Variants in ABHD6 observed in about 807,000 individuals in gnomAD.
ABHD6 encodes abhydrolase domain containing 6, acylglycerol lipase.
ABHD6 carries 33 observed loss-of-function variants against 38.8 expected under a neutral mutation model. That is an observed-to-expected ratio of 0.85 (90% confidence interval 0.64 to 1.14). The LOEUF (loss-of-function observed/expected upper bound fraction) is 1.14, where lower values mean the gene tolerates loss of function less well. Ranked by LOEUF, ABHD6 falls within the 50% of genes most tolerant of loss-of-function variation. The pLI is 0.00. For missense variants in ABHD6, 380 were observed against 422.6 expected, an observed-to-expected ratio of 0.90 and a Z score of 0.88; for synonymous variants, 147 against 161.6, an observed-to-expected ratio of 0.91 and a Z score of 0.69.
rs1381046779 is a variant in ABHD6, at chr3:58,265,083, A to G, written c.120-2106A>G. On this transcript the variant is annotated intron_variant, in intron 3 of 9. Transcript: ENST00000478253. This position sits in a 1 kb window ranked among gnomAD's most constrained non-coding sequence, Gnocchi z 4.2. ...CTCAGCCTCTGGTAACCATCCTTCT[A>G]CTATCTATGCCCATGAGTTGCATTG... is the stretch of plus-strand genomic sequence containing the variant. Among the ~76,000 whole-genome samples the G allele has an allele frequency of 6.6e-6, 1 of 151,962 alleles. No individual in the cohort carries two copies. Among genetic ancestry groups the G allele is most frequent in the African/African-American group, 2.4e-5 (1 of 41,328 alleles).
At position 58,293,377 on chromosome 3, in the gene ABHD6, C is replaced by A. The variant is rs1575536260; in HGVS notation, c.838-212C>A. 6.6e-6 allele frequency among the ~76,000 whole-genome samples: 1 copy of A among 152,222 alleles called. No individual in the cohort carries two copies. Among genetic ancestry groups the A allele is most frequent in the Non-Finnish European group, 1.5e-5 (1 of 68,050 alleles). On this transcript the variant is annotated intron_variant, in intron 9 of 9. Transcript: ENST00000478253. The surrounding 1 kb of genome is among the most constrained non-coding windows in gnomAD (Gnocchi z 4.4). The stretch of plus-strand genomic sequence containing the variant: ...AGTATTGCTGACATCAGCCCAACTC[C>A]TGGCACAGAGTTGCAGAATAAAACA...
intron 2 of ABHD6, among the ~76,000 whole-genome samples, chr3:58,254,682 C>G (rs2097432030): frequency 6.6e-6 from 1 of 152,084 alleles, no homozygotes; most frequent in African/African-American, 2.4e-5. Flanking sequence ...GTCCTGCACA[C>G]TTAGCACAGA....
At chr3:58,246,316 T>G (rs2097426360) in intron 1 of ABHD6, among the ~76,000 whole-genome samples, 1 of 152,248 alleles carries the variant, frequency 6.6e-6, no homozygotes, top group African/African-American at 2.4e-5. Context: ...GAGGCTGATG[T>G]TGCCAGGTCA....
At chr3:58,280,642 G>A (rs1370515908) in intron 7 of ABHD6, among the ~76,000 whole-genome samples, 1 of 152,338 alleles carries the variant, frequency 6.6e-6, no homozygotes, top group East Asian at 1.9e-4. Flanking sequence ...TGCTGGCGAG[G>A]AGCTGCAATC....
chr3:58,250,014 T>G (rs1342406096), intron 2 of ABHD6, 72 bp downstream of exon 2: 1 of 152,218 alleles, frequency 6.6e-6, no homozygotes, highest in Non-Finnish European at 1.5e-5. Context: ...ACTGCTGTTG[T>G]AAGCCCTGCT....
chr3:58,246,939 G>A (rs1427003339), intron 1 of ABHD6, among the ~76,000 whole-genome samples: 3 of 152,104 alleles, frequency 2.0e-5, no homozygotes, highest in African/African-American at 7.2e-5. Flanking sequence ...ATAGTGTGGA[G>A]ATGGAGGGAG....
rs972506930 is a variant in ABHD6, at chr3:58,263,110, A to C, written c.120-4079A>C. ...GTAGTCCCAGCTACTTGGGAGGCTG[A>C]AGTGGGAGAATCGTTTGAAAGCAGA... On this transcript the variant is annotated intron_variant, in intron 3 of 9. Transcript: ENST00000478253. This position sits in a 1 kb window ranked among gnomAD's most constrained non-coding sequence, Gnocchi z 4.9. Among the ~76,000 whole-genome samples, 4 of 152,252 alleles carry C rather than the reference A, an allele frequency of 2.6e-5. No homozygotes were observed. The highest frequency in any genetic ancestry group is 9.6e-5 in the African/African-American group (4 of 41,460).
rs537324322 is a variant in ABHD6 at position 58,251,091 on chromosome 3, G to T, written c.-26+1149G>T. ...TCCCAGCACTTTGGGAGGCCGAGGC[G>T]GGGGGGATCACCTGAGGTCAGGAGT... On this transcript the variant is annotated intron_variant, in intron 2 of 9. Coordinates refer to ENST00000478253, the MANE Select transcript of ABHD6 (RefSeq NM_001320126.2). The surrounding 1 kb of genome is among the most constrained non-coding windows in gnomAD (Gnocchi z 5.4). Among the ~76,000 whole-genome samples, 7 of 145,796 alleles carry T rather than the reference G, an allele frequency of 4.8e-5. No homozygotes were observed. The highest frequency in any genetic ancestry group is 5.9e-5 in the Non-Finnish European group (4 of 67,814).
chr3:58,285,633 G>A lies in ABHD6; in HGVS notation c.837+180G>A, dbSNP rs893750256. On this transcript the variant is annotated intron_variant, in intron 9 of 9. Transcript: ENST00000478253. The surrounding 1 kb of genome is among the most constrained non-coding windows in gnomAD (Gnocchi z 4.9). ...GTGGGCAGAGTTCTGGGAGTGGAGA[G>A]AAACAACATTTGGTCTGGTAAAAGG... Among the ~76,000 whole-genome samples the A allele has an allele frequency of 1.3e-5, 2 of 152,110 alleles. No homozygotes were observed. Among genetic ancestry groups the A allele is most frequent in the Non-Finnish European group, 2.9e-5 (2 of 68,028 alleles).
intron 7 of ABHD6, among the ~76,000 whole-genome samples, chr3:58,284,632 G>T (rs2107472280): frequency 6.6e-6 from 1 of 152,032 alleles, no homozygotes; most frequent in Non-Finnish European, 1.5e-5. Flanking sequence ...TGTCTTTTTA[G>T]TAGAGATGGG....
intron 2 of ABHD6, among the ~76,000 whole-genome samples, chr3:58,254,857 C>T (rs746330290): frequency 0.13 from 14,962 of 112,748 alleles, 953 homozygotes; most frequent in African/African-American, 0.3. Flanking sequence ...TGTATACACA[C>T]ACACACACAC....
At chr3:58,243,091 T>C (rs1374425463) in intron 1 of ABHD6, among the ~76,000 whole-genome samples, 2 of 152,230 alleles carry the variant, frequency 1.3e-5, no homozygotes, top group South Asian at 2.1e-4. Flanking sequence ...ATGGTGTATA[T>C]GTGCCACATT....
Position 58,263,319 on chromosome 3 carries a change from G to T in ABHD6, c.120-3870G>T, listed in dbSNP as rs1300583876. On this transcript the variant is annotated intron_variant, in intron 3 of 9. Transcript: ENST00000478253. The surrounding 1 kb of genome is among the most constrained non-coding windows in gnomAD (Gnocchi z 4.9). ...GCGGGAGAATCACTTGAACCCGGGA[G>T]GTGGAGGTTGCAGTGAACTGAGATT... Among the ~76,000 whole-genome samples the T allele has an allele frequency of 2.0e-5, 3 of 152,106 alleles. No individual in the cohort carries two copies. Among genetic ancestry groups the T allele is most frequent in the East Asian group, 1.9e-4 (1 of 5,204 alleles).
Position 58,265,797 on chromosome 3 carries a change from G to A in ABHD6, c.120-1392G>A, listed in dbSNP as rs2097440503. Among the ~76,000 whole-genome samples, 1 of 152,158 alleles carries A rather than the reference G, an allele frequency of 6.6e-6. No individual in the cohort carries two copies. Among genetic ancestry groups the A allele is most frequent in the Non-Finnish European group, 1.5e-5 (1 of 68,034 alleles). On this transcript the variant is annotated intron_variant, in intron 3 of 9. Transcript: ENST00000478253. The surrounding 1 kb of genome is among the most constrained non-coding windows in gnomAD (Gnocchi z 4.2). ...TGTCATCCCGTGGTGGAAGGTAGAA[G>A]GACAAGAGACTATAAGAGTGAGCCA...
chr3:58,264,813 A>T (rs977413048), intron 3 of ABHD6, among the ~76,000 whole-genome samples: 2 of 152,150 alleles, frequency 1.3e-5, no homozygotes, highest in African/African-American at 4.8e-5. Context: ...GGTACACAAG[A>T]TGTTTTGATA....
In ABHD6 at chr3:58,293,716, A is replaced by C. The variant is rs1366862174; in HGVS notation, c.965A>C (p.Asp322Ala). Residue 322 changes from aspartate (D) to alanine (A), a missense_variant, in exon 10 of 10, where the codon GAC becomes GCC. By Grantham distance (126) the Asp-to-Ala change is moderately radical. Transcript: ENST00000478253. This position sits in a 1 kb window ranked among gnomAD's most constrained non-coding sequence, Gnocchi z 4.4. ...AGGAAGACAGCCAAGCTCATAATCG[A>C]CTTTTTAGCTTCTGTGCACAACACA... The part of the protein sequence containing the change: ...RPRKTAKLII[D>A]FLASVHNTDN... 1 of 1,614,074 alleles carries C rather than the reference A, an allele frequency of 6.2e-7. No homozygotes were observed. Among genetic ancestry groups the C allele is most frequent in the Non-Finnish European group, 8.5e-7 (1 of 1,180,036 alleles).
rs1297582827 is a variant in ABHD6 at position 58,285,048 on chromosome 3, T to G, written c.682-37T>G. 1 of 1,601,832 alleles carries G rather than the reference T, an allele frequency of 6.2e-7. No homozygotes were observed. The highest frequency in any genetic ancestry group is 2.2e-5 in the East Asian group (1 of 44,810). ...TGTGAGAGGCCTGAGGAAATGAATC[T>G]TCTCTTGCTCTCTAACTTTGGGTTA... On this transcript the variant is annotated intron_variant, in intron 7 of 9. Transcript: ENST00000478253. The surrounding 1 kb of genome is among the most constrained non-coding windows in gnomAD (Gnocchi z 4.9).
Position 58,276,249 on chromosome 3 carries a change from C to T in ABHD6, c.681+1434C>T, listed in dbSNP as rs191763956. ...TCCCACCAACAGTGTAAAAGCGTTC[C>T]TATTTCTCCACATCCTCTCCAGCAT... On this transcript the variant is annotated intron_variant, in intron 7 of 9. Transcript: ENST00000478253. Among the ~76,000 whole-genome samples the T allele has an allele frequency of 1.3e-3, 197 of 152,328 alleles. 7 individuals are homozygous for T. The East Asian group carries it at 0.032, about 25-fold the overall frequency.
intron 1 of ABHD6, among the ~76,000 whole-genome samples, chr3:58,242,522 A>T (rs1273179361): frequency 6.6e-6 from 1 of 152,190 alleles, no homozygotes; most frequent in Admixed American, 6.5e-5. Context: ...AGGCTGTGTG[A>T]TGGGTGCAGG....
Sources: allele counts gnomAD v4.1 joint callset (sites outside exome capture counted in the v4.1 genomes callset), GRCh38; gene constraint gnomAD v4.1.1; non-coding constraint Gnocchi (gnomAD v3.1); transcripts MANE v1.5; gene names NCBI Gene and HGNC (gene_info 2026-07-23, HGNC 2026-07-21).